VWA5B1: variants seen among roughly 807,000 people sequenced by gnomAD.
VWA5B1 encodes the protein von Willebrand factor A domain containing 5B1.
In VWA5B1, 115 loss-of-function variants were observed where a neutral mutation model predicts 118.2. The observed-to-expected ratio is 0.97, with a 90% confidence interval of 0.84 to 1.14. The LOEUF (loss-of-function observed/expected upper bound fraction) is 1.14. Ranked by LOEUF, VWA5B1 falls within the 50% of genes most tolerant of loss-of-function variation. The pLI, the probability that VWA5B1 is intolerant of heterozygous loss-of-function variation, is 0.00. For synonymous variants in VWA5B1, 682 were observed against 658.4 expected (o/e 1.04, Z -0.55); for missense variants, 1,596 against 1,603.8 (o/e 1.00, Z 0.08).
Position 20,314,543 on chromosome 1 carries a change from C to A in VWA5B1, c.514C>A (p.Pro172Thr). Reference sequence around the variant, plus strand: ...GCCTGCTGTCTGTGCCCCAACCGTGCCCCAGTTCTGCACCAAGAGCACTGG... The same window carrying A: ...GCCTGCTGTCTGTGCCCCAACCGTGACCCAGTTCTGCACCAAGAGCACTGG... ...LLPAVCAPTV[P>T]QFCTKSTGTS... is the part of the protein sequence containing the mutation. Residue 172 changes from proline to threonine, a missense_variant, in exon 4 of 22, where the codon CCC (proline) becomes ACC (threonine). Pro to Thr is a conservative substitution (Grantham distance 38). Transcript: ENST00000289815. 1 of 1,551,648 alleles carries A rather than the reference C, an allele frequency of 6.4e-7. No individual in the cohort carries two copies. Among genetic ancestry groups the A allele is most frequent in the Non-Finnish European group, 8.7e-7 (1 of 1,147,000 alleles).
At chr1:20,292,609 G>A (rs2088333208) in intron 1 of VWA5B1, among the ~76,000 whole-genome samples, 1 of 152,232 alleles carries the variant, frequency 6.6e-6, no homozygotes, top group African/African-American at 2.4e-5. Context: ...GTTTGCTGCT[G>A]TGCAGGGATT....
chr1:20,346,874 C>A (rs2090018206), intron 17 of VWA5B1, among the ~76,000 whole-genome samples: 1 of 152,196 alleles, frequency 6.6e-6, no homozygotes, highest in Non-Finnish European at 1.5e-5. Context: ...TTCCACCTGT[C>A]CCCCTTTTCT....
rs2090227631 is a variant in VWA5B1 at position 20,356,259 on chromosome 1, C to A, written c.*1996C>A. Among the ~76,000 whole-genome samples the A allele has an allele frequency of 6.6e-6, 1 of 152,168 alleles. No individual in the cohort carries two copies. Among genetic ancestry groups the A allele is most frequent in the South Asian group, 2.1e-4 (1 of 4,828 alleles). ...AGAACACCCAGACTCAGGTCTCAGCCTAGTACTAGTTTGGGCAAGTGGTTT... is the reference window on the plus strand; with the variant it reads ...AGAACACCCAGACTCAGGTCTCAGCATAGTACTAGTTTGGGCAAGTGGTTT... On this transcript the variant is annotated 3_prime_UTR_variant, in exon 22 of 22. Coordinates refer to ENST00000289815, the MANE Select transcript of VWA5B1 (RefSeq NM_001039500.3).
rs2090236949 is a variant in VWA5B1 at position 20,356,750 on chromosome 1, C to T, written c.*2487C>T. Reference sequence around the variant, plus strand: ...CTGCAACCCTGGCTCCCCTGCCCAGCCCCAAAGGTGCAGAAGAACAAATCT... The same window carrying T: ...CTGCAACCCTGGCTCCCCTGCCCAGTCCCAAAGGTGCAGAAGAACAAATCT... On this transcript the variant is annotated 3_prime_UTR_variant, in exon 22 of 22. Transcript: ENST00000289815. Among the ~76,000 whole-genome samples, 1 of 152,206 alleles carries T rather than the reference C, an allele frequency of 6.6e-6. No homozygotes were observed. The highest frequency in any genetic ancestry group is 2.1e-4 in the South Asian group (1 of 4,834).
rs1260826183 is a variant in VWA5B1, at chr1:20,343,464, C to G, written c.2626+71C>G. The G allele has an allele frequency of 4.2e-6, 6 of 1,444,532 alleles. No individual in the cohort carries two copies. In the East Asian group the frequency reaches 1.3e-4, roughly 30 times the overall value. 89.5% of individuals were successfully genotyped at this position (1,444,532 alleles called of 1,614,324 possible). On this transcript the variant is annotated intron_variant, in intron 16 of 21. Coordinates refer to ENST00000289815, the MANE Select transcript of VWA5B1 (RefSeq NM_001039500.3). ...GACAGCCCCGCTCCACAGCCGCTCC[C>G]CCTTCCCCACCCGCCCCCGGTGATC...
chr1:20,350,108 C>T (rs1010836487), intron 18 of VWA5B1, 48 bp from the exon 19 acceptor site: 14 of 1,518,136 alleles, frequency 9.2e-6, no homozygotes, highest in South Asian at 3.6e-5. Flanking sequence ...GGATGGGAGG[C>T]GAGGAAGGGA....
At chr1:20,297,996 A>ATTTTTTTTTTTTTTTT (rs60497976) in intron 1 of VWA5B1, among the ~76,000 whole-genome samples, 20 of 126,668 alleles carry the variant, frequency 1.6e-4, no homozygotes, top group East Asian at 1.0e-3. Context: ...TCGGTGGTGG[A>ATTTTTTTTTTTTTTTT]TTTTTTTTTT....
intron 1 of VWA5B1, among the ~76,000 whole-genome samples, chr1:20,300,133 T>C (rs776199563): frequency 3.1e-4 from 47 of 152,330 alleles, no homozygotes; most frequent in Non-Finnish European, 5.6e-4. Flanking sequence ...TTTCTAGGTC[T>C]TGGTTTCCTC....
intron 7 of VWA5B1, among the ~76,000 whole-genome samples, chr1:20,321,603 A>G (rs1326054815): frequency 6.6e-6 from 1 of 152,198 alleles, no homozygotes; most frequent in African/African-American, 2.4e-5. Flanking sequence ...AAAATAAAAA[A>G]GCAAATCAAT....
At chr1:20,309,373 G>A (rs535286718) in intron 1 of VWA5B1, among the ~76,000 whole-genome samples, 1 of 152,308 alleles carries the variant, frequency 6.6e-6, no homozygotes, top group African/African-American at 2.4e-5. Flanking sequence ...GAGGATGCTG[G>A]GCACACTGGT....
At chr1:20,324,731 TG>T (rs2089325678) in intron 8 of VWA5B1, among the ~76,000 whole-genome samples, 1 of 151,814 alleles carries the variant, frequency 6.6e-6, no homozygotes, top group Non-Finnish European at 1.5e-5. Context: ...GAGGGTTGGG[TG>T]GGATCTGGGA....
At chr1:20,347,418 G>A (rs565122960) in intron 17 of VWA5B1, among the ~76,000 whole-genome samples, 1 of 151,818 alleles carries the variant, frequency 6.6e-6, no homozygotes, top group Admixed American at 6.5e-5. Flanking sequence ...CATACTTTAG[G>A]GTGCTATAAC....
Position 20,352,062 on chromosome 1 carries a change from C to T in VWA5B1, c.3031C>T (p.Leu1011Phe). ...CTGACTTCACCTGCACAGGCTAAAT[C>T]TCAACAAGTCCAGGCTACTGACGCG... ...SENLFGSWLN[L>F]NKSRLLTRAA... The change falls in exon 21 of 22, where the codon CTC becomes TTC. Residue 1011 changes from leucine to phenylalanine, a missense_variant. By Grantham distance (22) the Leu-to-Phe change is conservative (BLOSUM62 0). Transcript: ENST00000289815. The T allele has an allele frequency of 1.3e-6, 2 of 1,551,158 alleles. No homozygotes were observed. The highest frequency in any genetic ancestry group is 4.9e-5 in the East Asian group (2 of 40,910).
chr1:20,301,401 T>A (rs2088501089), intron 1 of VWA5B1, among the ~76,000 whole-genome samples: 1 of 152,150 alleles, frequency 6.6e-6, no homozygotes, highest in African/African-American at 2.4e-5. Flanking sequence ...ACCCGCCCAC[T>A]ATACAGAGGG....
At chr1:20,293,277 G>A (rs1337721788) in intron 1 of VWA5B1, among the ~76,000 whole-genome samples, 2 of 108,222 alleles carry the variant, frequency 1.8e-5, no homozygotes, top group Admixed American at 2.0e-4. Flanking sequence ...GCTCTGCTCC[G>A]AGCCAGCACC....
intron 1 of VWA5B1, among the ~76,000 whole-genome samples, chr1:20,296,810 T>A (rs2088414711): frequency 6.6e-6 from 1 of 152,228 alleles, no homozygotes; most frequent in African/African-American, 2.4e-5. Context: ...CTGTTCTAAG[T>A]GGATTCACTT....
intron 12 of VWA5B1, among the ~76,000 whole-genome samples, chr1:20,335,763 G>A (rs917551063): frequency 2.6e-4 from 39 of 152,154 alleles, no homozygotes; most frequent in African/African-American, 7.7e-4. Flanking sequence ...GGTCTCCGTC[G>A]TCATTGTCTT....
At chr1:20,299,534 G>A (rs1215484778) in intron 1 of VWA5B1, among the ~76,000 whole-genome samples, 1 of 152,184 alleles carries the variant, frequency 6.6e-6, no homozygotes, top group Non-Finnish European at 1.5e-5. Flanking sequence ...CTCCCAAGTA[G>A]CTGGGACTAC....
At chr1:20,335,590 G>A (rs984223478) in intron 12 of VWA5B1, among the ~76,000 whole-genome samples, 13 of 152,030 alleles carry the variant, frequency 8.6e-5, no homozygotes, top group African/African-American at 2.4e-4. Flanking sequence ...GAGGCTTTAC[G>A]GATAATATAA....
Sources: allele counts gnomAD v4.1 joint callset (sites outside exome capture counted in the v4.1 genomes callset), GRCh38; gene constraint gnomAD v4.1.1; transcripts MANE v1.5; gene names NCBI Gene and HGNC (gene_info 2026-07-23, HGNC 2026-07-21).